Variants in GRM5 observed in about 807,000 individuals in gnomAD.
GRM5 encodes the protein metabotropic glutamate receptor 5.
In GRM5, 19 loss-of-function variants were observed where a neutral mutation model predicts 83.1. That is an observed-to-expected ratio of 0.23 (90% CI 0.16 to 0.34). The LOEUF (loss-of-function observed/expected upper bound fraction) is 0.34, where lower values mean the gene tolerates loss of function less well. Among genes scored for constraint, GRM5 ranks in the 10% least tolerant of loss-of-function variants. GRM5 has a pLI of 1.00. For missense variants in GRM5, 1,160 were observed against 1,588.3 expected (o/e 0.73, Z 4.58); for synonymous variants, 675 against 633.6 (o/e 1.07, Z -0.98).
intron 4 of GRM5, among the ~76,000 whole-genome samples, chr11:88,632,836 C>T (rs2135273914): frequency 6.6e-6 from 1 of 152,230 alleles, no homozygotes; most frequent in East Asian, 1.9e-4. Context: ...AACATTCTTC[C>T]CAACATTTGA....
intron 3 of GRM5, among the ~76,000 whole-genome samples, chr11:88,798,006 G>A (rs1943315007): frequency 1.3e-5 from 2 of 151,914 alleles, no homozygotes; most frequent in Non-Finnish European, 2.9e-5. Context: ...ATATTATAAT[G>A]TTTCCTTCAT....
At chr11:88,811,972 T>C (rs1248751819) in intron 3 of GRM5, among the ~76,000 whole-genome samples, 6 of 152,136 alleles carry the variant, frequency 3.9e-5, no homozygotes, top group African/African-American at 7.2e-5. Flanking sequence ...AGGTCAGTTA[T>C]GTAAGACTCA....
intron 2 of GRM5, among the ~76,000 whole-genome samples, chr11:88,985,062 AC>A (rs1939659581): frequency 6.6e-6 from 1 of 152,040 alleles, no homozygotes. Context: ...AGAAATAAAT[AC>A]ACAAGAGCCA....
chr11:88,969,119 C>T (rs1939084433), intron 2 of GRM5, among the ~76,000 whole-genome samples: 1 of 151,958 alleles, frequency 6.6e-6, no homozygotes, highest in Non-Finnish European at 1.5e-5. Flanking sequence ...GAGGAGAAAA[C>T]TAAGTGGATA....
intron 2 of GRM5, among the ~76,000 whole-genome samples, chr11:88,964,358 C>A (rs1213363056): frequency 1.5e-5 from 2 of 130,552 alleles, no homozygotes; most frequent in Non-Finnish European, 3.4e-5. Context: ...GTAGAATAGG[C>A]AGGGCACAGA....
At chr11:88,750,338 AATAAGGGCATTAC>A (rs905825969) in intron 3 of GRM5, among the ~76,000 whole-genome samples, 1 of 152,302 alleles carries the variant, frequency 6.6e-6, no homozygotes, top group Admixed American at 6.5e-5. Context: ...AAAAATGACA[AATAAGGGCATTAC>A]ATAATGGTAA....
At chr11:88,897,330 A>AT (rs1404203623) in intron 2 of GRM5, among the ~76,000 whole-genome samples, 1 of 151,972 alleles carries the variant, frequency 6.6e-6, no homozygotes, top group African/African-American at 2.4e-5. Context: ...AGAAGTCAGA[A>AT]TTTATAAAGG....
In GRM5 at chr11:88,505,853, T is replaced by C. The variant is rs1231996403; in HGVS notation, c.*2739A>G. The stretch of plus-strand genomic sequence containing the variant: ...TGTTTTGAAGGAAATTCAATGAGAA[T>C]GTACCCAAATGAATTGTGAAGTTCA... On this transcript the variant is annotated 3_prime_UTR_variant, in exon 10 of 10. Coordinates refer to ENST00000305447, the MANE Select transcript of GRM5 (RefSeq NM_001143831.3). 1 of 152,220 alleles carries C rather than the reference T, an allele frequency of 6.6e-6. No individual in the cohort carries two copies. The highest frequency in any genetic ancestry group is 1.9e-4 in the East Asian group (1 of 5,202). The allele number at this position is 152,220 out of a possible 1,614,324, so 9.4% of individuals were successfully genotyped here.
chr11:88,691,726 T>C (rs557688664), intron 3 of GRM5, among the ~76,000 whole-genome samples: 1 of 152,306 alleles, frequency 6.6e-6, no homozygotes, highest in South Asian at 2.1e-4. Context: ...CTTGTCTCTT[T>C]TCTATGACTT....
chr11:89,000,302 C>T lies in GRM5; in HGVS notation c.661+46910G>A, dbSNP rs1940334928. Among the ~76,000 whole-genome samples, 4 of 152,170 alleles carry T rather than the reference C, an allele frequency of 2.6e-5. 1 individual carries two copies. The South Asian group carries it at 6.2e-4, about 24-fold the overall frequency. ...TGAAAAGGAAAAATAAGTCAGTCTC[C>T]CTGGTTTCAAGTTTTATTATATAAT... is the stretch of plus-strand genomic sequence containing the variant. On this transcript the variant is annotated intron_variant, in intron 2 of 9. Coordinates refer to ENST00000305447, the MANE Select transcript of GRM5 (RefSeq NM_001143831.3).
chr11:88,813,953 AG>A (rs1943627866), intron 3 of GRM5, among the ~76,000 whole-genome samples: 1 of 151,324 alleles, frequency 6.6e-6, no homozygotes, highest in Admixed American at 6.8e-5. Flanking sequence ...TTAATTCAAA[AG>A]ATAAAAAAAA....
chr11:88,895,446 A>G (rs1407977815), intron 2 of GRM5, among the ~76,000 whole-genome samples: 1 of 151,924 alleles, frequency 6.6e-6, no homozygotes, highest in African/African-American at 2.4e-5. Flanking sequence ...TAAAGAGGGA[A>G]CAATAACCAT....
At chr11:88,788,311 A>G (rs897807191) in intron 3 of GRM5, among the ~76,000 whole-genome samples, 2 of 152,208 alleles carry the variant, frequency 1.3e-5, no homozygotes, top group African/African-American at 4.8e-5. Context: ...CAATCATAAT[A>G]GTAATATTGT....
chr11:88,589,551 A>C (rs1404235456), intron 7 of GRM5, among the ~76,000 whole-genome samples: 3 of 152,166 alleles, frequency 2.0e-5, no homozygotes, highest in Non-Finnish European at 4.4e-5. Flanking sequence ...CTATGAGTAA[A>C]ATCATTCATC....
At chr11:88,747,232 C>G (rs1009446141) in intron 3 of GRM5, among the ~76,000 whole-genome samples, 1 of 152,164 alleles carries the variant, frequency 6.6e-6, no homozygotes, top group Non-Finnish European at 1.5e-5. Context: ...TCCACAAACT[C>G]TAATGATTTA....
At chr11:88,858,420 C>A (rs1000822475) in intron 2 of GRM5, among the ~76,000 whole-genome samples, 1 of 151,854 alleles carries the variant, frequency 6.6e-6, no homozygotes, top group Non-Finnish European at 1.5e-5. Context: ...AAAGTACATG[C>A]CAAGTGGTTT....
intron 2 of GRM5, among the ~76,000 whole-genome samples, chr11:88,895,987 A>C (rs2135590422): frequency 6.6e-6 from 1 of 152,128 alleles, no homozygotes; most frequent in Non-Finnish European, 1.5e-5. Flanking sequence ...CATTAGGATG[A>C]AATTAGAATT....
At chr11:89,032,346 C>T (rs1325828458) in intron 2 of GRM5, among the ~76,000 whole-genome samples, 8 of 151,940 alleles carry the variant, frequency 5.3e-5, no homozygotes, top group Non-Finnish European at 1.2e-4. Flanking sequence ...TATATACATA[C>T]ATATTTCAAT....
intron 1 of GRM5, chr11:89,063,600 T>C (rs1425129069): frequency 1.3e-5 from 2 of 152,146 alleles, no homozygotes; most frequent in Admixed American, 6.5e-5. Flanking sequence ...CCCCCCAAGA[T>C]GATCTCAAGC....
Sources: gnomAD v4.1 joint callset for allele counts (sites outside exome capture counted in the v4.1 genomes callset) on GRCh38, gnomAD v4.1.1 for gene constraint, MANE v1.5 for transcripts, NCBI Gene and HGNC (gene_info 2026-07-23, HGNC 2026-07-21) for gene names.